The following DLC1 variants were observed in gnomAD, a reference collection of about 807,000 sequenced individuals.
DLC1 encodes DLC1 Rho GTPase activating protein.
Under a neutral mutation model 140.3 loss-of-function variants are expected in DLC1, and 54 were observed. The ratio of observed to expected loss-of-function variants is 0.38; its 90% CI spans 0.31 to 0.48. DLC1 has a LOEUF of 0.48. DLC1 is among the 20% of genes least tolerant of loss of function. The pLI, the probability that DLC1 is intolerant of heterozygous loss-of-function variation, is 0.96. For synonymous variants in DLC1, 986 were observed against 728.1 expected (o/e 1.35, Z -5.70); for missense variants, 2,536 against 1,907.0 (o/e 1.33, Z -6.14).
chr8:13,442,704 A>T (rs1798577323), intron 2 of DLC1, among the ~76,000 whole-genome samples: 2 of 152,220 alleles, frequency 1.3e-5, no homozygotes, highest in Non-Finnish European at 2.9e-5. Flanking sequence ...GTCAGGAAAC[A>T]ACAGTGCTGG....
chr8:13,314,651 A>G (rs1563246665), intron 4 of DLC1, among the ~76,000 whole-genome samples: 1 of 152,204 alleles, frequency 6.6e-6, no homozygotes, highest in Non-Finnish European at 1.5e-5. Context: ...ATTTCATAAC[A>G]TCCAACTTAA....
chr8:13,181,055 T>C (rs1826001893), intron 5 of DLC1, among the ~76,000 whole-genome samples: 1 of 152,154 alleles, frequency 6.6e-6, no homozygotes, highest in Non-Finnish European at 1.5e-5. Flanking sequence ...TATATGTATC[T>C]ACCACTGTCC....
chr8:13,393,162 A>G (rs1836844697), intron 4 of DLC1, among the ~76,000 whole-genome samples: 1 of 151,986 alleles, frequency 6.6e-6, no homozygotes, highest in South Asian at 2.1e-4. Flanking sequence ...CCATCCATCC[A>G]TCATCATCTG....
intron 5 of DLC1, among the ~76,000 whole-genome samples, chr8:13,161,441 G>A (rs985454345): frequency 6.6e-6 from 1 of 152,114 alleles, no homozygotes; most frequent in African/African-American, 2.4e-5. Flanking sequence ...GATGGCTTGA[G>A]CCATCCTCCC....
chr8:13,276,403 G>T (rs1343705458), intron 5 of DLC1: 3 of 1,477,970 alleles, frequency 2.0e-6, no homozygotes, highest in Non-Finnish European at 2.7e-6. Flanking sequence ...TCCCCCATCC[G>T]CTCGCAGACG....
chr8:13,427,504 C>T (rs1031868765), intron 2 of DLC1, among the ~76,000 whole-genome samples: 6 of 152,202 alleles, frequency 3.9e-5, no homozygotes, highest in African/African-American at 1.4e-4. Context: ...TTAAAAGCAT[C>T]CCTGGATCTG....
At chr8:13,367,566 C>T (rs537238759) in intron 4 of DLC1, among the ~76,000 whole-genome samples, 3 of 152,232 alleles carry the variant, frequency 2.0e-5, no homozygotes, top group East Asian at 3.9e-4. Flanking sequence ...AAGACAAAGA[C>T]GTGCTTATTT....
chr8:13,382,274 G>A (rs1215394794), intron 4 of DLC1, among the ~76,000 whole-genome samples: 4 of 151,864 alleles, frequency 2.6e-5, no homozygotes, highest in Non-Finnish European at 1.5e-5. Flanking sequence ...TTGGGAGGCC[G>A]AGGCGGGCGG....
At chr8:13,369,353 TC>T (rs1563290590) in intron 4 of DLC1, among the ~76,000 whole-genome samples, 3 of 32,770 alleles carry the variant, frequency 9.2e-5, no homozygotes, top group African/African-American at 1.5e-4. Flanking sequence ...TTTGGCTGGG[TC>T]GAAAAAAAAA....
At chr8:13,382,895 C>G (rs1836339702) in intron 4 of DLC1, among the ~76,000 whole-genome samples, 1 of 152,158 alleles carries the variant, frequency 6.6e-6, no homozygotes, top group Non-Finnish European at 1.5e-5. Context: ...TAGAGAAAGA[C>G]ATATCTTGAT....
At chr8:13,602,618 C>T (rs1465422430) in intron 1 of DLC1, among the ~76,000 whole-genome samples, 2 of 151,760 alleles carry the variant, frequency 1.3e-5, no homozygotes, top group African/African-American at 4.8e-5. Context: ...TCAAAACAGT[C>T]CTGAGTACCT....
intron 1 of DLC1, chr8:13,566,922 C>T (rs533273748): frequency 2.0e-6 from 3 of 1,463,490 alleles, no homozygotes; most frequent in East Asian, 2.5e-5. Flanking sequence ...GAGGGGTCAG[C>T]TCCTGACGGG....
intron 5 of DLC1, among the ~76,000 whole-genome samples, chr8:13,270,081 A>G (rs1830869174): frequency 6.6e-6 from 1 of 152,048 alleles, no homozygotes; most frequent in African/African-American, 2.4e-5. Context: ...AAGAAATTAA[A>G]AAACTTTCAA....
intron 2 of DLC1, among the ~76,000 whole-genome samples, chr8:13,458,975 A>C (rs1277813988): frequency 6.6e-6 from 1 of 152,222 alleles, no homozygotes; most frequent in Non-Finnish European, 1.5e-5. Flanking sequence ...ATTAAAGTCC[A>C]ACTCACTAAC....
At chr8:13,142,848 G>A (rs1464589340) in intron 5 of DLC1, among the ~76,000 whole-genome samples, 4 of 152,092 alleles carry the variant, frequency 2.6e-5, no homozygotes, top group East Asian at 1.9e-4. Context: ...TTGGGAGTTC[G>A]AGGCCAGCCT....
At chr8:13,482,473 T>G (rs2117123543) in intron 2 of DLC1, among the ~76,000 whole-genome samples, 1 of 152,294 alleles carries the variant, frequency 6.6e-6, no homozygotes, top group African/African-American at 2.4e-5. Context: ...TTTATTCAGG[T>G]TAAGCGGTGA....
chr8:13,379,246 C>A (rs1163297715), intron 4 of DLC1, among the ~76,000 whole-genome samples: 4 of 152,158 alleles, frequency 2.6e-5, no homozygotes, highest in African/African-American at 9.7e-5. Context: ...TGGAGTCAGC[C>A]TGGCCTAATT....
At chr8:13,361,601 T>C (rs1323547549) in intron 4 of DLC1, among the ~76,000 whole-genome samples, 1 of 152,096 alleles carries the variant, frequency 6.6e-6, no homozygotes, top group Non-Finnish European at 1.5e-5. Flanking sequence ...TTAATGGACA[T>C]TTTAGGTATC....
intron 5 of DLC1, among the ~76,000 whole-genome samples, chr8:13,177,851 G>T (rs184405273): frequency 6.0e-4 from 91 of 152,220 alleles, no homozygotes; most frequent in Admixed American, 5.1e-3. Context: ...TTGGATAATA[G>T]ATTAATAGTA....
Sources: gnomAD v4.1 joint callset for allele counts (sites outside exome capture counted in the v4.1 genomes callset) on GRCh38, gnomAD v4.1.1 for gene constraint, MANE v1.5 for transcripts, NCBI Gene and HGNC (gene_info 2026-07-23, HGNC 2026-07-21) for gene names.